The following CTPS2 variants were observed in gnomAD, a reference collection of about 807,000 sequenced individuals.
CTPS2 encodes the protein CTP synthase II.
Under a neutral mutation model 46.8 loss-of-function variants are expected in CTPS2, and 19 were observed. The ratio of observed to expected loss-of-function variants is 0.41; its 90% CI spans 0.28 to 0.60. The LOEUF is 0.60. Among genes scored for constraint, CTPS2 ranks in the 20% least tolerant of loss-of-function variants. CTPS2 has a pLI of 0.35. For missense variants in CTPS2, 286 were observed against 447.6 expected (o/e 0.64, Z 3.26); for synonymous variants, 151 against 165.2 (o/e 0.91, Z 0.66).
chrX:16,702,183 T>A (rs1326509952), intron 2 of CTPS2, among the ~76,000 whole-genome samples: 1 of 109,479 alleles, frequency 9.1e-6, no homozygotes, highest in Admixed American at 9.9e-5. Flanking sequence ...GCCTCCTGAG[T>A]AGATGGGACT....
intron 2 of CTPS2, among the ~76,000 whole-genome samples, chrX:16,701,433 C>T (rs1924544797): frequency 1.8e-5 from 2 of 109,848 alleles, no homozygotes; most frequent in African/African-American, 6.6e-5. Flanking sequence ...GTGGTGCACA[C>T]CTGTAATCCC....
chrX:16,593,214 G>A (rs1929009295), intron 17 of CTPS2, among the ~76,000 whole-genome samples: 1 of 111,309 alleles, frequency 9.0e-6, no homozygotes, highest in Non-Finnish European at 1.9e-5. Context: ...CGGATCACGA[G>A]GTCAGGAGAT....
At chrX:16,688,173 G>A (rs1284210129) in intron 8 of CTPS2, among the ~76,000 whole-genome samples, 1 of 111,388 alleles carries the variant, frequency 9.0e-6, no homozygotes, top group African/African-American at 3.3e-5. Context: ...CTAGACAGGC[G>A]AATCGCCTGA....
chrX:16,694,565 C>T (rs1168863680), intron 4 of CTPS2, among the ~76,000 whole-genome samples: 1 of 112,716 alleles, frequency 8.9e-6, no homozygotes, highest in Non-Finnish European at 1.9e-5. Flanking sequence ...AGACTGTAAG[C>T]CCCATGAGGG....
intron 13 of CTPS2, among the ~76,000 whole-genome samples, chrX:16,649,304 A>G (rs1440934740): frequency 8.9e-6 from 1 of 112,317 alleles, no homozygotes; most frequent in Non-Finnish European, 1.9e-5. Context: ...CTCAATATTG[A>G]TTTGCCAAAT....
intron 10 of CTPS2, among the ~76,000 whole-genome samples, chrX:16,676,991 G>A (rs1164434956): frequency 1.9e-5 from 2 of 107,066 alleles, no homozygotes; most frequent in Non-Finnish European, 3.9e-5. Flanking sequence ...CCTGGGAGGC[G>A]GAGGTTGCAG....
intron 16 of CTPS2, among the ~76,000 whole-genome samples, chrX:16,611,781 TAAG>T (rs1179310132): frequency 9.0e-6 from 1 of 111,708 alleles, no homozygotes; most frequent in African/African-American, 3.3e-5. Flanking sequence ...CCTCTACATC[TAAG>T]AAGAAACCTC....
chrX:16,648,272 C>T (rs1489369349), intron 13 of CTPS2, among the ~76,000 whole-genome samples: 1 of 111,482 alleles, frequency 9.0e-6, no homozygotes, highest in African/African-American at 3.3e-5. Flanking sequence ...ATGTCTTTGT[C>T]CTTAGGAGAC....
At chrX:16,605,590 C>T (rs766631698) in intron 17 of CTPS2, among the ~76,000 whole-genome samples, 1 of 111,203 alleles carries the variant, frequency 9.0e-6, no homozygotes. Context: ...GGCATGGTGG[C>T]GGGTGCCTGT....
chrX:16,590,543 T>G (rs1255846597), intron 18 of CTPS2, among the ~76,000 whole-genome samples: 1 of 111,589 alleles, frequency 9.0e-6, no homozygotes, highest in Non-Finnish European at 1.9e-5. Context: ...ACTTATATTT[T>G]TTTTTTCCTG....
chrX:16,668,640 AGAAGGAAGGATG>A (rs1489920945), intron 11 of CTPS2, among the ~76,000 whole-genome samples: 3 of 98,206 alleles, frequency 3.1e-5, no homozygotes, highest in Admixed American at 2.2e-4. Flanking sequence ...GAAGAAGGGA[AGAAGGAAGGATG>A]GAAGGAAGGA....
intron 7 of CTPS2, among the ~76,000 whole-genome samples, chrX:16,690,714 T>A (rs1235196876): frequency 9.0e-6 from 1 of 111,165 alleles, no homozygotes; most frequent in Non-Finnish European, 1.9e-5. Flanking sequence ...GAGACAGAGA[T>A]GAGAGAAGGA....
intron 17 of CTPS2, among the ~76,000 whole-genome samples, chrX:16,602,569 T>C (rs747982731): frequency 9.0e-6 from 1 of 111,698 alleles, no homozygotes; most frequent in Non-Finnish European, 1.9e-5. Context: ...AGGGGGTGTG[T>C]TGAGTGAATG....
At chrX:16,674,360 A>C (rs1922037051) in intron 10 of CTPS2, among the ~76,000 whole-genome samples, 1 of 108,736 alleles carries the variant, frequency 9.2e-6, no homozygotes, top group African/African-American at 3.3e-5. Flanking sequence ...ACGGGGTTTC[A>C]CCATGTTAGT....
chrX:16,659,455 G>A (rs1932893089), intron 13 of CTPS2, among the ~76,000 whole-genome samples: 1 of 110,779 alleles, frequency 9.0e-6, no homozygotes, highest in African/African-American at 3.3e-5. Flanking sequence ...AACACATCAT[G>A]CCCAAATGCA....
intron 13 of CTPS2, among the ~76,000 whole-genome samples, chrX:16,655,264 G>A (rs950931727): frequency 5.6e-4 from 63 of 112,162 alleles, no homozygotes; most frequent in Non-Finnish European, 4.3e-4. Context: ...ATCACTGACC[G>A]GGTGGCCTCG....
chrX:16,678,801 G>A (rs1208003604), intron 9 of CTPS2, among the ~76,000 whole-genome samples: 3 of 109,668 alleles, frequency 2.7e-5, no homozygotes, highest in Admixed American at 9.9e-5. Flanking sequence ...TGGGAGGTCC[G>A]GGCTGCAATG....
At chrX:16,686,563 G>C (rs935702538) in intron 8 of CTPS2, among the ~76,000 whole-genome samples, 1 of 112,161 alleles carries the variant, frequency 8.9e-6, no homozygotes, top group Non-Finnish European at 1.9e-5. Flanking sequence ...TACAAAAGAA[G>C]AGAAGGGAAG....
intron 17 of CTPS2, among the ~76,000 whole-genome samples, chrX:16,605,903 C>T (rs921152617): frequency 2.7e-5 from 3 of 112,205 alleles, no homozygotes; most frequent in African/African-American, 9.7e-5. Flanking sequence ...AGCTATTGTG[C>T]CCTTGAACTG....
Sources: gnomAD v4.1 joint callset for allele counts (sites outside exome capture counted in the v4.1 genomes callset) on GRCh38, gnomAD v4.1.1 for gene constraint, MANE v1.5 for transcripts, NCBI Gene and HGNC (gene_info 2026-07-23, HGNC 2026-07-21) for gene names.